Variants in CUBN observed in about 807,000 individuals in gnomAD.
The protein encoded by CUBN is cubilin.
Under a neutral mutation model 405.3 loss-of-function variants are expected in CUBN, and 282 were observed. The observed-to-expected ratio is 0.70, with a 90% CI of 0.63 to 0.77. The LOEUF is 0.77. Ranked by LOEUF, CUBN falls within the 30% of genes least tolerant of loss-of-function variation. The pLI is 0.00. For missense variants in CUBN, 4,514 were observed against 4,475.2 expected (o/e 1.01, Z -0.25); for synonymous variants, 1,684 against 1,617.0 (o/e 1.04, Z -0.99).
At chr10:16,877,174 A>C in intron 56 of CUBN, 77 bp from the exon 57 acceptor site, 3 of 1,204,358 alleles carry the variant, frequency 2.5e-6, no homozygotes, top group East Asian at 2.5e-5. Context: ...AAAAACAAAA[A>C]TGTGATGATG....
intron 28 of CUBN, among the ~76,000 whole-genome samples, chr10:16,991,803 C>T (rs1337619655): frequency 6.6e-6 from 1 of 152,058 alleles, no homozygotes; most frequent in Non-Finnish European, 1.5e-5. Flanking sequence ...GGACTGTAAA[C>T]TAGTTCAACC....
rs1230161601 is a variant in CUBN at position 17,109,700 on chromosome 10, C to A, written c.1051G>T (p.Asp351Tyr). 6.2e-7 allele frequency: 1 copy of A among 1,613,822 alleles called. No homozygotes were observed. The highest frequency in any genetic ancestry group is 1.7e-5 in the Admixed American group (1 of 59,992). ...CCTCCATTACTGACTGAGCAGATGT[C>A]TGTGAGTGTGCACACTCTTCCGTCA... ...QGDGRVCTLTDICSVSNGGCH... is the reference protein window; with the variant it reads ...QGDGRVCTLTYICSVSNGGCH... The change falls in exon 10 of 67, where the codon GAC (aspartate) becomes TAC (tyrosine). Residue 351 changes from aspartate (D) to tyrosine (Y), a missense_variant. Around this residue, in one of 5 missense-constraint regions of CUBN, gnomAD observed 1,448 missense variants for 1,388.0 expected, o/e 1.04. Coordinates refer to ENST00000377833, the MANE Select transcript of CUBN (RefSeq NM_001081.4).
intron 49 of CUBN, 152 bp downstream of exon 49, chr10:16,907,356 G>T: frequency 1.3e-6 from 1 of 773,110 alleles, no homozygotes; most frequent in Non-Finnish European, 2.1e-6. Flanking sequence ...TCTGCAGTGC[G>T]TTTTTCATCT....
At chr10:16,917,307 C>A (rs1841910252) in intron 45 of CUBN, among the ~76,000 whole-genome samples, 1 of 152,084 alleles carries the variant, frequency 6.6e-6, no homozygotes, top group South Asian at 2.1e-4. Context: ...CATTCCAAGA[C>A]CCCCAGTGAG....
intron 13 of CUBN, 70 bp from the exon 14 acceptor site, chr10:17,100,309 C>T (rs1447414975): frequency 9.4e-7 from 1 of 1,063,126 alleles, no homozygotes; most frequent in Admixed American, 1.9e-5. Context: ...CTCCCACTTC[C>T]TAGGCAGCAT....
chr10:16,833,565 C>A (rs1384822963), intron 64 of CUBN, among the ~76,000 whole-genome samples: 9 of 152,168 alleles, frequency 5.9e-5, no homozygotes, highest in African/African-American at 2.2e-4. Flanking sequence ...GAACACCCTT[C>A]CTGGCCAGGC....
chr10:16,928,555 A>G (rs1233076390), intron 40 of CUBN, among the ~76,000 whole-genome samples: 1 of 94,500 alleles, frequency 1.1e-5, no homozygotes, highest in African/African-American at 4.1e-5. Flanking sequence ...TTTGAGATGG[A>G]GTCTTCCTCT....
chr10:16,895,416 GT>G, intron 54 of CUBN, among the ~76,000 whole-genome samples: 1 of 152,084 alleles, frequency 6.6e-6, no homozygotes. Context: ...TTAACTGATG[GT>G]TTTGTAGAGT....
chr10:16,984,697 A>C (rs998652638), intron 29 of CUBN, among the ~76,000 whole-genome samples: 5 of 152,228 alleles, frequency 3.3e-5, no homozygotes, highest in Non-Finnish European at 7.3e-5. Context: ...CTGATTTTCT[A>C]ACTCTGGCAC....
intron 22 of CUBN, among the ~76,000 whole-genome samples, chr10:17,061,982 T>A (rs1194109483): frequency 1.3e-5 from 2 of 152,162 alleles, no homozygotes; most frequent in Non-Finnish European, 2.9e-5. Flanking sequence ...TCTATCTCCC[T>A]CATTTAAAAA....
chr10:16,976,284 T>G (rs1245585385), intron 31 of CUBN, among the ~76,000 whole-genome samples: 1 of 152,174 alleles, frequency 6.6e-6, no homozygotes, highest in Non-Finnish European at 1.5e-5. Context: ...ACCTTCATTC[T>G]TAAAGGAATT....
At chr10:17,079,342 T>G (rs1424655915) in intron 17 of CUBN, among the ~76,000 whole-genome samples, 1 of 151,720 alleles carries the variant, frequency 6.6e-6, no homozygotes, top group African/African-American at 2.4e-5. Context: ...TTCAAGTGAT[T>G]CTCCTGCCTC....
intron 58 of CUBN, among the ~76,000 whole-genome samples, chr10:16,871,057 T>C (rs1840338157): frequency 6.6e-6 from 1 of 151,868 alleles, no homozygotes. Flanking sequence ...AGACAGAGTC[T>C]CACTCTGTTG....
intron 36 of CUBN, among the ~76,000 whole-genome samples, chr10:16,941,786 G>A (rs1842657867): frequency 6.6e-6 from 1 of 152,150 alleles, no homozygotes; most frequent in Admixed American, 6.5e-5. Context: ...AGGCTGAAGT[G>A]AGGGGTGATC....
At chr10:17,106,455 T>A (rs148827970) in intron 10 of CUBN, among the ~76,000 whole-genome samples, 1 of 149,772 alleles carries the variant, frequency 6.7e-6, no homozygotes, top group African/African-American at 2.5e-5. Context: ...TACAAAACAA[T>A]TAGCGGGGCA....
chr10:16,840,958 G>T lies in CUBN; in HGVS notation c.9753C>A (p.Phe3251Leu), dbSNP rs762120607. ...VPAPFISSGN[F>L]LTVQFISDLT... ...AGTCACTGATGAATTGAACCGTAAGGAAGTTACCAGAAGAGATAAAAGGAG... is the reference window on the plus strand; with the variant it reads ...AGTCACTGATGAATTGAACCGTAAGTAAGTTACCAGAAGAGATAAAAGGAG... Residue 3251 changes from phenylalanine (F) to leucine (L), a missense_variant, in exon 61 of 67, where the codon TTC becomes TTA. Phe to Leu is a conservative substitution (Grantham distance 22). Coordinates refer to ENST00000377833, the MANE Select transcript of CUBN (RefSeq NM_001081.4). 5.0e-6 allele frequency: 8 copies of T among 1,613,844 alleles called. No individual in the cohort carries two copies. In the East Asian group the frequency reaches 1.6e-4, roughly 31 times the overall value.
chr10:16,929,667 T>C (rs887267439), intron 40 of CUBN, among the ~76,000 whole-genome samples: 1 of 152,220 alleles, frequency 6.6e-6, no homozygotes, highest in African/African-American at 2.4e-5. Context: ...AACTTTTGCA[T>C]TCTTTATAAT....
chr10:17,095,263 G>T (rs573937365), intron 14 of CUBN, among the ~76,000 whole-genome samples: 1 of 151,906 alleles, frequency 6.6e-6, no homozygotes, highest in Admixed American at 6.6e-5. Flanking sequence ...CAAAATTAAA[G>T]ACTTAAACAT....
intron 31 of CUBN, among the ~76,000 whole-genome samples, chr10:16,963,027 G>A (rs1367155810): frequency 6.6e-6 from 1 of 151,940 alleles, no homozygotes; most frequent in Non-Finnish European, 1.5e-5. Context: ...CTAAAAATGA[G>A]GGTAGGTAAA....
Sources: gnomAD v4.1 joint callset for allele counts (sites outside exome capture counted in the v4.1 genomes callset) on GRCh38, gnomAD v4.1.1 for gene constraint, gnomAD v4.1.1 regional missense constraint, MANE v1.5 for transcripts, NCBI Gene and HGNC (gene_info 2026-07-23, HGNC 2026-07-21) for gene names.